VMP1: variants seen among roughly 807,000 people sequenced by gnomAD.
VMP1 encodes the protein ectopic P-granules autophagy protein 3 homolog.
VMP1 carries 11 observed loss-of-function variants against 56.0 expected under a neutral mutation model. The ratio of observed to expected loss-of-function variants is 0.20; its 90% confidence interval spans 0.12 to 0.32. The LOEUF (loss-of-function observed/expected upper bound fraction) is 0.32, where lower values mean the gene tolerates loss of function less well. Among genes scored for constraint, VMP1 ranks in the 10% least tolerant of loss-of-function variants. The pLI is 1.00. For missense variants in VMP1, 296 were observed against 490.3 expected (o/e 0.60, Z 3.74); for synonymous variants, 149 against 165.0 (o/e 0.90, Z 0.74).
At chr17:59,783,249 A>G (rs2036890885) in intron 7 of VMP1, among the ~76,000 whole-genome samples, 2 of 152,170 alleles carry the variant, frequency 1.3e-5, no homozygotes, top group Admixed American at 6.6e-5. Context: ...CTTAAATTCC[A>G]TTCTTGACTA....
At chr17:59,802,437 C>A (rs1277359911) in intron 7 of VMP1, among the ~76,000 whole-genome samples, 2 of 151,908 alleles carry the variant, frequency 1.3e-5, no homozygotes, top group Non-Finnish European at 2.9e-5. Context: ...ACTCATTTCT[C>A]AGAATATATG....
chr17:59,745,579 T>A (rs1003022804), intron 5 of VMP1, among the ~76,000 whole-genome samples: 12 of 152,242 alleles, frequency 7.9e-5, no homozygotes, highest in Admixed American at 1.3e-4. Flanking sequence ...TTATCCTTAT[T>A]GGTCACCATT....
intron 7 of VMP1, among the ~76,000 whole-genome samples, chr17:59,792,855 A>ACCTTG (rs1568157658): frequency 1.8e-5 from 1 of 54,554 alleles, no homozygotes; most frequent in Non-Finnish European, 3.3e-5. Flanking sequence ...CATCTCAAAA[A>ACCTTG]ATAATAATAA....
At chr17:59,757,044 C>T (rs569484025) in intron 5 of VMP1, among the ~76,000 whole-genome samples, 1 of 152,222 alleles carries the variant, frequency 6.6e-6, no homozygotes, top group East Asian at 1.9e-4. Context: ...TAATATTAAG[C>T]AGCAGTGTAC....
chr17:59,713,995 C>T (rs1374116513), intron 1 of VMP1, among the ~76,000 whole-genome samples: 2 of 143,632 alleles, frequency 1.4e-5, no homozygotes, highest in African/African-American at 2.6e-5. Context: ...GAGCCAAGAT[C>T]GTGCCACTGC....
At chr17:59,742,751 C>T (rs962781160) in intron 5 of VMP1, among the ~76,000 whole-genome samples, 2 of 151,958 alleles carry the variant, frequency 1.3e-5, no homozygotes, top group Non-Finnish European at 2.9e-5. Context: ...TATTTGCAGC[C>T]GCTCCCCATC....
chr17:59,811,886 C>CT, intron 9 of VMP1, 100 bp downstream of exon 9: 1 of 884,728 alleles, frequency 1.1e-6, no homozygotes, highest in South Asian at 1.6e-5. Flanking sequence ...ATTCTTTCTG[C>CT]TTTTTTGGTT....
chr17:59,802,722 C>T (rs570252172), intron 7 of VMP1, among the ~76,000 whole-genome samples: 98 of 152,016 alleles, frequency 6.4e-4, no homozygotes, highest in African/African-American at 2.3e-3. Context: ...CCAGCCACCA[C>T]GCCTAGCTAA....
chr17:59,788,323 C>T (rs1385590051), intron 7 of VMP1, among the ~76,000 whole-genome samples: 1 of 151,090 alleles, frequency 6.6e-6, no homozygotes, highest in Non-Finnish European at 1.5e-5. Flanking sequence ...ACCGTCTCTA[C>T]TAAAAATACA....
At chr17:59,751,474 G>A (rs932057480) in intron 5 of VMP1, among the ~76,000 whole-genome samples, 1 of 152,026 alleles carries the variant, frequency 6.6e-6, no homozygotes, top group African/African-American at 2.4e-5. Context: ...GGGCTCGGTG[G>A]CTCATGCCTG....
chr17:59,819,694 C>T (rs2038370670), intron 10 of VMP1, among the ~76,000 whole-genome samples: 1 of 152,172 alleles, frequency 6.6e-6, no homozygotes, highest in South Asian at 2.1e-4. Flanking sequence ...CCTGGTGATC[C>T]GCCCATCTCG....
intron 1 of VMP1, among the ~76,000 whole-genome samples, chr17:59,718,163 C>T (rs547222455): frequency 1.4e-5 from 2 of 147,208 alleles, no homozygotes; most frequent in Non-Finnish European, 3.0e-5. Flanking sequence ...TGACTGACTT[C>T]CTTTCTTCCT....
In VMP1 at chr17:59,841,231, C is replaced by T; in HGVS notation, c.*1320C>T. ...CCTGCCTGACTGTCTGCTTGTTTTG[C>T]CTACCATCGTGACATCTCCATGGCT... On this transcript the variant is annotated 3_prime_UTR_variant, in exon 12 of 12. Transcript: ENST00000262291. 2.2e-6 allele frequency: 1 copy of T among 463,098 alleles called. No homozygotes were observed. The highest frequency in any genetic ancestry group is 4.7e-6 in the Non-Finnish European group (1 of 211,334). The allele number at this position is 463,098 out of a possible 1,614,324, so 28.7% of individuals were successfully genotyped here.
At chr17:59,749,552 C>A (rs2035562717) in intron 5 of VMP1, among the ~76,000 whole-genome samples, 1 of 151,666 alleles carries the variant, frequency 6.6e-6, no homozygotes, top group South Asian at 2.1e-4. Context: ...GCTCTGTCAC[C>A]CAAACTGGAG....
chr17:59,815,563 C>A (rs1033770800), intron 9 of VMP1, among the ~76,000 whole-genome samples: 7 of 145,574 alleles, frequency 4.8e-5, no homozygotes, highest in South Asian at 2.2e-4. Flanking sequence ...TCTTAAGATT[C>A]TTCTTTCTGG....
intron 5 of VMP1, among the ~76,000 whole-genome samples, chr17:59,746,653 T>C (rs1301696859): frequency 6.6e-6 from 1 of 152,174 alleles, no homozygotes. Flanking sequence ...AAAGTGTAAA[T>C]CAAGTAATTT....
intron 7 of VMP1, among the ~76,000 whole-genome samples, chr17:59,775,689 A>T (rs2036596435): frequency 6.6e-6 from 1 of 152,228 alleles, no homozygotes; most frequent in Non-Finnish European, 1.5e-5. Context: ...CCTTTGCCTC[A>T]GTCAGATTAA....
intron 7 of VMP1, among the ~76,000 whole-genome samples, chr17:59,807,916 C>T (rs1275006446): frequency 6.6e-6 from 1 of 151,248 alleles, no homozygotes; most frequent in East Asian, 1.9e-4. Flanking sequence ...AAAGCATTTA[C>T]ACACATTCAA....
At chr17:59,759,377 AAAAAT>A (rs71370116) in intron 5 of VMP1, among the ~76,000 whole-genome samples, 62,219 of 151,454 alleles carry the variant, frequency 0.41, 14,530 homozygotes, top group Non-Finnish European at 0.53. Context: ...CTGTCTCAAA[AAAAAT>A]AAAATAAAGA....
Sources: allele counts gnomAD v4.1 joint callset (sites outside exome capture counted in the v4.1 genomes callset), GRCh38; gene constraint gnomAD v4.1.1; transcripts MANE v1.5; gene names NCBI Gene and HGNC (gene_info 2026-07-23, HGNC 2026-07-21).